Variants in RALGPS1 observed in about 807,000 individuals in gnomAD.
The protein encoded by RALGPS1 is ras-specific guanine nucleotide-releasing factor RalGPS1.
Under a neutral mutation model 78.8 loss-of-function variants are expected in RALGPS1, and 19 were observed. The ratio of observed to expected loss-of-function variants is 0.24; its 90% CI spans 0.17 to 0.35. RALGPS1 has a LOEUF of 0.35. Among genes scored for constraint, RALGPS1 ranks in the 10% least tolerant of loss-of-function variants. The probability of loss-of-function intolerance (pLI) is 1.00; values close to 1 mark genes in which losing one functional copy is unlikely to be tolerated. For synonymous variants in RALGPS1, 228 were observed against 256.3 expected, an observed-to-expected ratio of 0.89 and a Z score of 1.06; for missense variants, 454 against 688.3, an observed-to-expected ratio of 0.66 and a Z score of 3.81.
chr9:127,074,613 A>G (rs769842485), intron 8 of RALGPS1, among the ~76,000 whole-genome samples: 1 of 152,240 alleles, frequency 6.6e-6, no homozygotes, highest in Non-Finnish European at 1.5e-5. Context: ...TTTCTCGAAT[A>G]AGGATGATCA....
intron 4 of RALGPS1, among the ~76,000 whole-genome samples, chr9:127,001,085 C>CAACAA (rs1564395429): frequency 4.2e-5 from 5 of 119,022 alleles, no homozygotes; most frequent in Non-Finnish European, 8.8e-5. Context: ...GACTCTGTCT[C>CAACAA]TACAAAACAA....
chr9:127,002,352 TTTTA>T (rs925350742), intron 4 of RALGPS1, among the ~76,000 whole-genome samples: 4 of 152,138 alleles, frequency 2.6e-5, no homozygotes, highest in Non-Finnish European at 4.4e-5. Flanking sequence ...GTAGATCATA[TTTTA>T]TTTATATTTT....
intron 4 of RALGPS1, among the ~76,000 whole-genome samples, chr9:127,029,330 C>T (rs2046225504): frequency 6.6e-6 from 1 of 152,320 alleles, no homozygotes; most frequent in South Asian, 2.1e-4. Context: ...TACTGGGTCA[C>T]CTATCTCCCA....
chr9:127,077,071 C>T (rs2050746226), intron 8 of RALGPS1, among the ~76,000 whole-genome samples: 1 of 152,068 alleles, frequency 6.6e-6, no homozygotes, highest in Admixed American at 6.5e-5. Context: ...ACATGGGAGT[C>T]AGGAGGGAGT....
chr9:127,154,339 G>A (rs1243472727), intron 8 of RALGPS1, among the ~76,000 whole-genome samples: 1 of 152,236 alleles, frequency 6.6e-6, no homozygotes, highest in Non-Finnish European at 1.5e-5. Flanking sequence ...CTCCTGCCAT[G>A]GAGTAGGAGG....
intron 11 of RALGPS1, among the ~76,000 whole-genome samples, chr9:127,185,983 C>T (rs575738731): frequency 6.6e-6 from 1 of 152,312 alleles, no homozygotes; most frequent in African/African-American, 2.4e-5. Context: ...ACTCATCCTG[C>T]AAATGGCAGA....
chr9:127,218,019 C>G lies in RALGPS1; in HGVS notation c.1645-721C>G. Among the ~76,000 whole-genome samples, 1 of 152,188 alleles carries G rather than the reference C, an allele frequency of 6.6e-6. No individual in the cohort carries two copies. The highest frequency in any genetic ancestry group is 1.9e-4 in the East Asian group (1 of 5,198). ...AACTGTCTCCTGGTACATGGAGATG[C>G]ATTTTTTTCCTAATTCATAGTTTGA... On this transcript the variant is annotated intron_variant, in intron 18 of 18. Transcript: ENST00000259351. The surrounding 1 kb of genome is among the most constrained non-coding windows in gnomAD (Gnocchi z 4.4).
At chr9:127,181,577 C>T (rs1319116348) in intron 11 of RALGPS1, among the ~76,000 whole-genome samples, 1 of 152,216 alleles carries the variant, frequency 6.6e-6, no homozygotes, top group Admixed American at 6.5e-5. Context: ...CACACATTGT[C>T]CCCAGTTGGT....
intron 11 of RALGPS1, among the ~76,000 whole-genome samples, chr9:127,194,159 C>G (rs914125042): frequency 2.0e-5 from 3 of 152,228 alleles, no homozygotes; most frequent in African/African-American, 7.2e-5. Context: ...CTATGAAAGT[C>G]TGCGTACATT....
intron 1 of RALGPS1, among the ~76,000 whole-genome samples, chr9:126,955,669 A>G (rs966272057): frequency 1.3e-5 from 2 of 152,224 alleles, no homozygotes; most frequent in Non-Finnish European, 2.9e-5. Context: ...TTATGCATTT[A>G]AAAACATTTC....
At chr9:126,954,563 G>T (rs1444195733) in intron 1 of RALGPS1, among the ~76,000 whole-genome samples, 1 of 152,174 alleles carries the variant, frequency 6.6e-6, no homozygotes, top group South Asian at 2.1e-4. Context: ...AAAGCAGGTG[G>T]ATCACTTGAG....
chr9:127,108,721 A>G (rs2054510774), intron 8 of RALGPS1: 17 of 1,606,930 alleles, frequency 1.1e-5, no homozygotes, highest in Non-Finnish European at 1.4e-5. Context: ...TGTCACGCAC[A>G]GTGGCCTCAT....
In RALGPS1 at chr9:127,222,292, CTGAA is replaced by C. The variant is rs1169482400; in HGVS notation, c.*3526_*3529del. ...GAAAGGCATCAAAAGGCTCAACAGA[CTGAA>C]TGGCCTCTTGGTCTGCGAAAATTCA... On this transcript the variant is annotated 3_prime_UTR_variant, in exon 19 of 19. Transcript: ENST00000259351. 2 of 152,240 alleles carry C rather than the reference CTGAA, an allele frequency of 1.3e-5. No homozygotes were observed. Among genetic ancestry groups the C allele is most frequent in the African/African-American group, 2.4e-5 (1 of 41,450 alleles). 9.4% of individuals were successfully genotyped at this position (152,240 alleles called of 1,614,324 possible).
chr9:127,197,843 C>T (rs574868973), intron 13 of RALGPS1, among the ~76,000 whole-genome samples: 1 of 152,314 alleles, frequency 6.6e-6, no homozygotes, highest in South Asian at 2.1e-4. Context: ...GGTGGGAGTC[C>T]TCTAAGAAGG....
chr9:126,938,421 A>G (rs988900553), intron 1 of RALGPS1, among the ~76,000 whole-genome samples: 4 of 152,194 alleles, frequency 2.6e-5, no homozygotes, highest in Admixed American at 2.6e-4. Flanking sequence ...TTAAACCTCC[A>G]GCTTCACCAT....
chr9:126,941,470 T>C (rs1293260469), intron 1 of RALGPS1, among the ~76,000 whole-genome samples: 1 of 152,092 alleles, frequency 6.6e-6, no homozygotes, highest in Non-Finnish European at 1.5e-5. Flanking sequence ...TAAAAATAAG[T>C]GTAAAAAAAA....
intron 14 of RALGPS1, among the ~76,000 whole-genome samples, chr9:127,209,100 A>G (rs780211990): frequency 4.6e-5 from 7 of 152,256 alleles, no homozygotes; most frequent in Non-Finnish European, 7.3e-5. Flanking sequence ...ACATCCCTGG[A>G]TAGCAGACAA....
rs144556004 is a variant in RALGPS1 at position 127,125,218 on chromosome 9, G to A, written c.611-40851G>A. On this transcript the variant is annotated intron_variant, in intron 8 of 18. Coordinates refer to ENST00000259351, the MANE Select transcript of RALGPS1 (RefSeq NM_014636.3). ...GTGTAACACACACTGCCTAGTACAA[G>A]GCTCAACAAAAAGCTCTTGTAGTTT... Among the ~76,000 whole-genome samples the A allele has an allele frequency of 5.3e-5, 8 of 152,342 alleles. No homozygotes were observed. In the East Asian group the frequency reaches 1.5e-3, roughly 29 times the overall value.
chr9:127,104,047 C>T (rs576415075), intron 8 of RALGPS1, among the ~76,000 whole-genome samples: 1 of 152,346 alleles, frequency 6.6e-6, no homozygotes, highest in East Asian at 1.9e-4. Context: ...CTGCCACCAA[C>T]AGGCTCTGTT....
Sources: gnomAD v4.1 joint callset for allele counts (sites outside exome capture counted in the v4.1 genomes callset) on GRCh38, gnomAD v4.1.1 for gene constraint, Gnocchi (gnomAD v3.1) non-coding constraint, MANE v1.5 for transcripts, NCBI Gene and HGNC (gene_info 2026-07-23, HGNC 2026-07-21) for gene names.